The following OLFML2B variants were observed in gnomAD, a reference collection of about 807,000 sequenced individuals.
OLFML2B encodes the protein olfactomedin like 2B, also known as olfactomedin-like protein 2B.
A neutral mutation model predicts 74.9 loss-of-function variants in OLFML2B; 57 were observed. The observed-to-expected ratio is 0.76, with a 90% CI of 0.61 to 0.95. OLFML2B has a LOEUF of 0.95. OLFML2B is among the 40% of genes least tolerant of loss of function. OLFML2B has a pLI of 0.00. For synonymous variants in OLFML2B, 388 were observed against 405.8 expected, an observed-to-expected ratio of 0.96 and a Z score of 0.53; for missense variants, 986 against 970.6, an observed-to-expected ratio of 1.02 and a Z score of -0.21.
At chr1:162,020,457 G>C (rs1035783358) in intron 1 of OLFML2B, among the ~76,000 whole-genome samples, 1 of 152,130 alleles carries the variant, frequency 6.6e-6, no homozygotes, top group Non-Finnish European at 1.5e-5. Flanking sequence ...AACCAGATGA[G>C]CCAAGTCATT....
At chr1:162,009,181 A>AAAT (rs1224374754) in intron 3 of OLFML2B, among the ~76,000 whole-genome samples, 7 of 152,304 alleles carry the variant, frequency 4.6e-5, no homozygotes, top group Admixed American at 3.3e-4. Flanking sequence ...CAACTAGTGA[A>AAAT]AAGTGCTCTG....
At chr1:161,991,947 G>T (rs2101950546) in intron 6 of OLFML2B, among the ~76,000 whole-genome samples, 1 of 152,246 alleles carries the variant, frequency 6.6e-6, no homozygotes, top group East Asian at 1.9e-4. Context: ...AGCTGCATTA[G>T]CCCCTAACAG....
chr1:161,998,648 G>A (rs1168768426), intron 5 of OLFML2B, among the ~76,000 whole-genome samples: 1 of 152,034 alleles, frequency 6.6e-6, no homozygotes. Flanking sequence ...GAGTAAGTGA[G>A]TCATCCAATC....
Position 162,006,280 on chromosome 1 carries a change from G to A in OLFML2B, c.723+17C>T, listed in dbSNP as rs995818776. 3.9e-6 allele frequency: 6 copies of A among 1,540,186 alleles called. No individual in the cohort carries two copies. Among genetic ancestry groups the A allele is most frequent in the Non-Finnish European group, 4.4e-6 (5 of 1,147,624 alleles). ...CCAGGGCTTGTGATCAGAGGCCCTTGGAGGCTGGGGCTATACCTCTGGGTG... is the reference window on the plus strand; with the variant it reads ...CCAGGGCTTGTGATCAGAGGCCCTTAGAGGCTGGGGCTATACCTCTGGGTG... On this transcript the variant is annotated intron_variant, in intron 4 of 7. Coordinates refer to ENST00000294794, the MANE Select transcript of OLFML2B (RefSeq NM_015441.3).
In OLFML2B at chr1:162,004,345, G is replaced by T. The variant is rs551002425; in HGVS notation, c.723+1952C>A. ...AGACTAAACACTTGCTCAGTAGCCA[G>T]CCTGTCAGGGACACCCAAAAATGAG... On this transcript the variant is annotated intron_variant, in intron 4 of 7. Coordinates refer to ENST00000294794, the MANE Select transcript of OLFML2B (RefSeq NM_015441.3). Among the ~76,000 whole-genome samples the T allele has an allele frequency of 3.3e-5, 5 of 152,320 alleles. No homozygotes were observed. The East Asian group carries it at 7.7e-4, about 23-fold the overall frequency.
Position 162,023,556 on chromosome 1 carries a change from A to G in OLFML2B, c.-126T>C. The G allele has an allele frequency of 1.0e-6, 1 of 962,406 alleles. No homozygotes were observed. Among genetic ancestry groups the G allele is most frequent in the African/African-American group, 1.7e-5 (1 of 59,092 alleles). 59.6% of individuals were successfully genotyped at this position (962,406 alleles called of 1,614,324 possible). A position where few individuals can be genotyped will look rare whatever the true frequency, so the allele number is the denominator to read the frequency against. On this transcript the variant is annotated 5_prime_UTR_variant, in exon 1 of 8. Coordinates refer to ENST00000294794, the MANE Select transcript of OLFML2B (RefSeq NM_015441.3). ...AAGTGGCTGCTGAGAGCACCTTCTA[A>G]AGCTGGGTGCGGCTGAGCGGGACGG...
At chr1:162,016,770 C>T (rs538505102) in intron 3 of OLFML2B, among the ~76,000 whole-genome samples, 1 of 152,160 alleles carries the variant, frequency 6.6e-6, no homozygotes, top group African/African-American at 2.4e-5. Context: ...CAACTCCCAG[C>T]TCCCTTCACA....
Position 161,997,961 on chromosome 1 carries a change from A to C in OLFML2B, c.1338T>G (p.Ala446=). ...TGGGAGGCACTGGGACTGTGTGCAT[A>C]GCTTCCATCAATGCCTCCCTGGGAG... ...AVSPREALME[A]MHTVPVPPTT... is the part of the protein sequence containing the mutation. The change falls in exon 6 of 8, where the codon GCT becomes GCG. Residue 446 remains alanine (A), a synonymous_variant. Transcript: ENST00000294794. 6.2e-7 allele frequency: 1 copy of C among 1,614,198 alleles called. No individual in the cohort carries two copies. The highest frequency in any genetic ancestry group is 8.5e-7 in the Non-Finnish European group (1 of 1,180,032).
At chr1:162,009,415 C>A (rs999194362) in intron 3 of OLFML2B, among the ~76,000 whole-genome samples, 2 of 152,188 alleles carry the variant, frequency 1.3e-5, no homozygotes, top group African/African-American at 4.8e-5. Flanking sequence ...CACTGTGCAT[C>A]AGTGGGTGTG....
chr1:162,018,756 C>T (rs1385624376), intron 2 of OLFML2B, among the ~76,000 whole-genome samples: 2 of 152,222 alleles, frequency 1.3e-5, no homozygotes, highest in Non-Finnish European at 2.9e-5. Flanking sequence ...CTACACTCCC[C>T]ATTTATCTCA....
At chr1:162,010,213 A>G (rs949847726) in intron 3 of OLFML2B, among the ~76,000 whole-genome samples, 5 of 152,234 alleles carry the variant, frequency 3.3e-5, no homozygotes, top group African/African-American at 1.2e-4. Flanking sequence ...GAACGTTGTC[A>G]TCATGATTCC....
At chr1:162,006,513 T>C in intron 3 of OLFML2B, 40 bp from the exon 4 acceptor site, 1 of 1,496,080 alleles carries the variant, frequency 6.7e-7, no homozygotes, top group South Asian at 1.3e-5. Context: ...TAAAGCACCC[T>C]GAAGACAAGC....
Position 161,983,840 on chromosome 1 carries a change from G to A in OLFML2B, c.2088C>T (p.Ile696=), listed in dbSNP as rs750998682. 1 of 1,614,204 alleles carries A rather than the reference G, an allele frequency of 6.2e-7. No individual in the cohort carries two copies. The change falls in exon 8 of 8, where the codon ATC becomes ATT. Residue 696 remains isoleucine, a synonymous_variant. Coordinates refer to ENST00000294794, the MANE Select transcript of OLFML2B (RefSeq NM_015441.3). ...VDSYNQRNAN[I]SYAFDTHTNT... ...TGGTGTGGGTGTCGAAAGCGTAGGA[G>A]ATGTTGGCATTCCGCTGGTTGTAGC...
chr1:162,015,025 T>C (rs1380548217), intron 3 of OLFML2B, among the ~76,000 whole-genome samples: 3 of 152,222 alleles, frequency 2.0e-5, no homozygotes, highest in African/African-American at 7.2e-5. Flanking sequence ...CACTGTGATC[T>C]TGGTCAAGTC....
chr1:162,023,530 A>G lies in OLFML2B; in HGVS notation c.-100T>C. The G allele has an allele frequency of 1.6e-6, 2 of 1,239,408 alleles. No individual in the cohort carries two copies. Among genetic ancestry groups the G allele is most frequent in the Non-Finnish European group, 2.1e-6 (2 of 950,110 alleles). 76.8% of individuals were successfully genotyped at this position (1,239,408 alleles called of 1,614,324 possible). A position where few individuals can be genotyped will look rare whatever the true frequency, so the allele number is the denominator to read the frequency against. The stretch of plus-strand genomic sequence containing the variant: ...GAGAGGGTGTCCTCGCTAGAGCCCG[A>G]AAGTGGCTGCTGAGAGCACCTTCTA... On this transcript the variant is annotated 5_prime_UTR_variant, in exon 1 of 8. Coordinates refer to ENST00000294794, the MANE Select transcript of OLFML2B (RefSeq NM_015441.3).
Position 161,984,090 on chromosome 1 carries a change from C to G in OLFML2B, c.1838G>C (p.Arg613Pro), listed in dbSNP as rs756692798. The change falls in exon 8 of 8, where the codon CGA (arginine) becomes CCA (proline). Residue 613 changes from arginine (R) to proline (P), a missense_variant. Transcript: ENST00000294794. The part of the protein sequence containing the change: ...DVAYEEATPW[R>P]WQGHSDVDFA... Reference sequence around the variant, plus strand: ...GTCCACGTCTGAGTGGCCCTGCCATCGCCAGGGGGTGGCCTCCTCGTAGGC... The same window carrying G: ...GTCCACGTCTGAGTGGCCCTGCCATGGCCAGGGGGTGGCCTCCTCGTAGGC... 2 of 1,612,470 alleles carry G rather than the reference C, an allele frequency of 1.2e-6. No homozygotes were observed. Among genetic ancestry groups the G allele is most frequent in the Admixed American group, 1.7e-5 (1 of 59,952 alleles).
intron 4 of OLFML2B, among the ~76,000 whole-genome samples, chr1:162,005,567 C>A (rs944593453): frequency 6.6e-6 from 1 of 152,118 alleles, no homozygotes; most frequent in Admixed American, 6.5e-5. Flanking sequence ...CAAACTGGGG[C>A]ATTTTTTAGA....
Position 161,998,035 on chromosome 1 carries a change from CCA to C in OLFML2B, c.1262_1263del (p.Val421GlyfsTer65), listed in dbSNP as rs1689967070. 9 of 1,613,928 alleles carry C rather than the reference CCA, an allele frequency of 5.6e-6. No homozygotes were observed. The highest frequency in any genetic ancestry group is 1.3e-5 in the African/African-American group (1 of 74,900). On this transcript the variant is annotated frameshift_variant, in exon 6 of 8. Transcript: ENST00000294794. LOFTEE classifies it high-confidence loss of function. The stretch of plus-strand genomic sequence containing the variant: ...GCTGGTTGCTGGGTGGCTGTGTGGG[CCA>C]CAGTGGTGGCTGGTACCTGAGGAGA... Reference protein sequence around the residue: ...QPSPQVPATTVAHTATQQPAA... With the variant: ...QPSPQVPATTXAHTATQQPAA...
intron 6 of OLFML2B, among the ~76,000 whole-genome samples, chr1:161,992,862 T>A (rs139347345): frequency 1.7e-3 from 252 of 152,294 alleles, no homozygotes; most frequent in African/African-American, 5.9e-3. Flanking sequence ...AAGTTTGAGA[T>A]ATTGCAAGAA....
Sources: allele counts gnomAD v4.1 joint callset (sites outside exome capture counted in the v4.1 genomes callset), GRCh38; gene constraint gnomAD v4.1.1; transcripts MANE v1.5; gene names NCBI Gene and HGNC (gene_info 2026-07-23, HGNC 2026-07-21).